CPB2: variants seen among roughly 807,000 people sequenced by gnomAD.
CPB2 encodes the protein carboxypeptidase B2, also known as carboxypeptidase B-like protein.
In CPB2, 54 loss-of-function variants were observed where a neutral mutation model predicts 57.0. The ratio of observed to expected loss-of-function variants is 0.95; its 90% CI spans 0.76 to 1.19. CPB2 has a LOEUF of 1.19. Among genes scored for constraint, CPB2 ranks in the 50% most tolerant of loss-of-function variants. CPB2 has a pLI of 0.00. For missense variants in CPB2, 426 were observed against 512.0 expected (o/e 0.83, Z 1.62); for synonymous variants, 189 against 178.1 (o/e 1.06, Z -0.49).
intron 5 of CPB2, among the ~76,000 whole-genome samples, chr13:46,074,348 T>C (rs1260776375): frequency 1.3e-5 from 2 of 152,166 alleles, no homozygotes; most frequent in African/African-American, 2.4e-5. Context: ...TGGGTGTGAG[T>C]TGGATGGCAA....
chr13:46,057,716 C>T (rs943812839), intron 9 of CPB2, among the ~76,000 whole-genome samples: 2 of 152,110 alleles, frequency 1.3e-5, no homozygotes, highest in African/African-American at 4.8e-5. Context: ...TTTAATAGGA[C>T]CAAAACCCTG....
chr13:46,070,017 T>A (rs9526140), intron 6 of CPB2, among the ~76,000 whole-genome samples: 52,247 of 152,072 alleles, frequency 0.34, 9,207 homozygotes, highest in African/African-American at 0.39. Flanking sequence ...CCTACTAGAG[T>A]TGGTCTGCAA....
chr13:46,087,297 C>T (rs942501919), intron 2 of CPB2, among the ~76,000 whole-genome samples: 5 of 152,220 alleles, frequency 3.3e-5, no homozygotes, highest in East Asian at 1.9e-4. Flanking sequence ...TGGCAGCAGC[C>T]GCTCTAGATG....
At chr13:46,056,503 T>C (rs192276590) in intron 9 of CPB2, among the ~76,000 whole-genome samples, 26 of 152,338 alleles carry the variant, frequency 1.7e-4, no homozygotes, top group Admixed American at 1.6e-3. Flanking sequence ...TGGTATACAC[T>C]GTCACCTTCT....
intron 8 of CPB2, among the ~76,000 whole-genome samples, chr13:46,064,257 C>T (rs1195217116): frequency 1.3e-5 from 2 of 151,238 alleles, no homozygotes; most frequent in African/African-American, 4.9e-5. Context: ...AAGACTCTGT[C>T]TCAAAAAAAA....
intron 1 of CPB2, among the ~76,000 whole-genome samples, chr13:46,095,450 C>A (rs756266895): frequency 1.4e-4 from 21 of 152,176 alleles, no homozygotes. Flanking sequence ...CCCACAAAAA[C>A]CAGATGGATC....
intron 1 of CPB2, among the ~76,000 whole-genome samples, chr13:46,102,557 A>AAC (rs397934640): frequency 1.4e-5 from 2 of 147,074 alleles, no homozygotes; most frequent in Non-Finnish European, 3.0e-5. Flanking sequence ...AAAAAAAAAA[A>AAC]CAAAGAACAG....
chr13:46,087,735 G>C lies in CPB2; in HGVS notation c.150+10C>G. 2 of 1,575,332 alleles carry C rather than the reference G, an allele frequency of 1.3e-6. No individual in the cohort carries two copies. Among genetic ancestry groups the C allele is most frequent in the Non-Finnish European group, 8.7e-7 (1 of 1,148,846 alleles). ...GAAACCAATATAAACATAAATTAGG[G>C]AGAAATTACCTCATATGTTGTAGTA... On this transcript the variant is annotated intron_variant, in intron 2 of 10. Coordinates refer to ENST00000181383, the MANE Select transcript of CPB2 (RefSeq NM_001872.5).
At chr13:46,071,429 T>G (rs2044940873) in intron 6 of CPB2, among the ~76,000 whole-genome samples, 2 of 152,310 alleles carry the variant, frequency 1.3e-5, no homozygotes, top group South Asian at 4.1e-4. Context: ...ACATTACTTC[T>G]GAGATCCAGA....
intron 4 of CPB2, among the ~76,000 whole-genome samples, chr13:46,081,548 C>A (rs1264428773): frequency 6.6e-6 from 1 of 152,154 alleles, no homozygotes; most frequent in Non-Finnish European, 1.5e-5. Context: ...CATACTGACT[C>A]TGGCTTAATT....
intron 2 of CPB2, among the ~76,000 whole-genome samples, chr13:46,086,602 C>A (rs1384912692): frequency 2.0e-5 from 3 of 152,128 alleles, no homozygotes; most frequent in African/African-American, 4.8e-5. Flanking sequence ...TAGGCGGGTG[C>A]GGAAAAATCA....
intron 2 of CPB2, among the ~76,000 whole-genome samples, chr13:46,087,017 T>C (rs1427686269): frequency 6.6e-6 from 1 of 152,132 alleles, no homozygotes; most frequent in Non-Finnish European, 1.5e-5. Context: ...GGAATGAGGG[T>C]CCTTCTCAGA....
intron 2 of CPB2, among the ~76,000 whole-genome samples, 181 bp from the exon 3 acceptor site, chr13:46,084,524 T>A (rs931908178): frequency 2.0e-5 from 3 of 152,228 alleles, no homozygotes; most frequent in Non-Finnish European, 4.4e-5. Flanking sequence ...TTTTTAAAAT[T>A]CCTTTCTATA....
chr13:46,060,291 C>A (rs563420556), intron 8 of CPB2, among the ~76,000 whole-genome samples: 3 of 152,118 alleles, frequency 2.0e-5, no homozygotes, highest in Admixed American at 6.5e-5. Context: ...GGTGAAACCC[C>A]GTCTCTACCA....
chr13:46,089,968 A>C (rs2139408570), intron 1 of CPB2, among the ~76,000 whole-genome samples: 1 of 152,326 alleles, frequency 6.6e-6, no homozygotes, highest in African/African-American at 2.4e-5. Context: ...AGGTTTTATT[A>C]GTGATTATAG....
At chr13:46,075,242 C>T (rs1044684974) in intron 5 of CPB2, among the ~76,000 whole-genome samples, 2 of 152,314 alleles carry the variant, frequency 1.3e-5, no homozygotes, top group East Asian at 1.9e-4. Context: ...GGCCACTAAT[C>T]GTCAAATTGT....
intron 8 of CPB2, among the ~76,000 whole-genome samples, chr13:46,060,621 T>G (rs1429614119): frequency 6.6e-6 from 1 of 152,202 alleles, no homozygotes; most frequent in Admixed American, 6.5e-5. Flanking sequence ...AATTCTGGTG[T>G]GTATTTAACA....
intron 5 of CPB2, among the ~76,000 whole-genome samples, chr13:46,078,574 T>G (rs2045058878): frequency 6.6e-6 from 1 of 152,162 alleles, no homozygotes; most frequent in African/African-American, 2.4e-5. Context: ...CCAGACTGAC[T>G]GGTGTCCTTG....
chr13:46,059,579 TCA>T (rs1172320942), intron 8 of CPB2, among the ~76,000 whole-genome samples: 1 of 5,906 alleles, frequency 1.7e-4, no homozygotes, highest in African/African-American at 1.3e-3. Flanking sequence ...TTGCTGTTTA[TCA>T]TCATCATCAT....
Sources: gnomAD v4.1 joint callset for allele counts (sites outside exome capture counted in the v4.1 genomes callset) on GRCh38, gnomAD v4.1.1 for gene constraint, MANE v1.5 for transcripts, NCBI Gene and HGNC (gene_info 2026-07-23, HGNC 2026-07-21) for gene names.